The following SPTBN1 variants were observed in gnomAD, a reference collection of about 807,000 sequenced individuals.
SPTBN1 encodes the protein spectrin beta, non-erythrocytic 1.
SPTBN1 carries 32 observed loss-of-function variants against 266.4 expected under a neutral mutation model. That is an observed-to-expected ratio of 0.12 (90% CI 0.09 to 0.16). SPTBN1 has a LOEUF of 0.16. SPTBN1 is among the 10% of genes least tolerant of loss of function. The pLI is 1.00. For synonymous variants in SPTBN1, 1,336 were observed against 1,162.2 expected (o/e 1.15, Z -3.04); for missense variants, 2,296 against 3,067.1 (o/e 0.75, Z 5.94).
chr2:54,641,371 C>G (rs1395953698), intron 18 of SPTBN1, among the ~76,000 whole-genome samples: 1 of 152,216 alleles, frequency 6.6e-6, no homozygotes, highest in African/African-American at 2.4e-5. Context: ...GTCCTTGGCA[C>G]TTTGAATCAA....
chr2:54,595,857 GCATCTACC>G (rs1192425398), intron 2 of SPTBN1, among the ~76,000 whole-genome samples: 1 of 152,160 alleles, frequency 6.6e-6, no homozygotes, highest in East Asian at 1.9e-4. Flanking sequence ...AATGCCAGTA[GCATCTACC>G]CATGAATCGT....
At chr2:54,633,515 C>G (rs1222044545) in intron 17 of SPTBN1, among the ~76,000 whole-genome samples, 2 of 152,134 alleles carry the variant, frequency 1.3e-5, no homozygotes, top group East Asian at 3.9e-4. Context: ...TGACTCACTC[C>G]TTACTCTTGC....
intron 3 of SPTBN1, among the ~76,000 whole-genome samples, chr2:54,609,085 C>T (rs1011499928): frequency 5.3e-5 from 8 of 152,010 alleles, no homozygotes; most frequent in African/African-American, 1.9e-4. Flanking sequence ...GAAGGGGAGG[C>T]AGAAGAGGCA....
intron 2 of SPTBN1, among the ~76,000 whole-genome samples, chr2:54,567,788 C>A (rs541041942): frequency 6.8e-4 from 104 of 152,232 alleles, no homozygotes; most frequent in South Asian, 2.1e-3. Context: ...TATTCTCTCT[C>A]TATATATATA....
At position 54,645,782 on chromosome 2, in the gene SPTBN1, G is replaced by A. The variant is rs940827456; in HGVS notation, c.4495-146G>A. On this transcript the variant is annotated intron_variant, in intron 21 of 35. Coordinates refer to ENST00000356805, the MANE Select transcript of SPTBN1 (RefSeq NM_003128.3). The surrounding 1 kb of genome is among the most constrained non-coding windows in gnomAD (Gnocchi z 4.3). ...CCTAGCCCTGTCTCGGAGAACAAGG[G>A]CGTGCTTCCCCAGACAGCCCTCCCG... 2.5e-6 allele frequency: 2 copies of A among 802,010 alleles called. No homozygotes were observed. The highest frequency in any genetic ancestry group is 1.7e-5 in the African/African-American group (1 of 58,048). 49.7% of individuals were successfully genotyped at this position (802,010 alleles called of 1,614,324 possible).
intron 29 of SPTBN1, among the ~76,000 whole-genome samples, chr2:54,657,597 ATAT>A (rs1451081409): frequency 5.3e-5 from 8 of 152,362 alleles, no homozygotes; most frequent in East Asian, 1.9e-4. Flanking sequence ...AATTTTATAC[ATAT>A]TATGTGAAAT....
intron 2 of SPTBN1, among the ~76,000 whole-genome samples, chr2:54,574,113 C>G (rs888559044): frequency 3.9e-5 from 6 of 152,098 alleles, no homozygotes; most frequent in Non-Finnish European, 8.8e-5. Context: ...GAAACAGACA[C>G]CTTTCCAGTA....
intron 2 of SPTBN1, among the ~76,000 whole-genome samples, chr2:54,550,833 G>A (rs1194128520): frequency 6.6e-6 from 1 of 152,194 alleles, no homozygotes; most frequent in Non-Finnish European, 1.5e-5. Flanking sequence ...TTCTCACCAT[G>A]TCATGGGTCC....
chr2:54,612,892 T>C (rs1189039616), intron 4 of SPTBN1, among the ~76,000 whole-genome samples: 1 of 152,200 alleles, frequency 6.6e-6, no homozygotes, highest in African/African-American at 2.4e-5. Context: ...GATGATGCTT[T>C]ATGGGTTTTG....
intron 2 of SPTBN1, among the ~76,000 whole-genome samples, chr2:54,570,365 C>T (rs1673972487): frequency 6.6e-6 from 1 of 152,134 alleles, no homozygotes; most frequent in Non-Finnish European, 1.5e-5. Context: ...AAAGATCTGG[C>T]CTTAAAGTCC....
intron 2 of SPTBN1, among the ~76,000 whole-genome samples, chr2:54,571,707 C>T (rs67079536): frequency 8.6e-6 from 1 of 116,922 alleles, no homozygotes; most frequent in Non-Finnish European, 2.2e-5. Flanking sequence ...AGTGTGTTTG[C>T]GTGTATCTCT....
At chr2:54,602,488 G>A (rs996429399) in intron 3 of SPTBN1, among the ~76,000 whole-genome samples, 22 of 152,270 alleles carry the variant, frequency 1.4e-4, no homozygotes, top group African/African-American at 4.3e-4. Flanking sequence ...CTTCATGGGC[G>A]TCTGCAGTGA....
At chr2:54,621,570 A>G (rs1677995206) in intron 8 of SPTBN1, 58 bp downstream of exon 8, 1 of 1,400,242 alleles carries the variant, frequency 7.1e-7, no homozygotes, top group East Asian at 2.3e-5. Flanking sequence ...TTGAGCCCTC[A>G]TTCTCCCATG....
intron 16 of SPTBN1, 84 bp from the exon 17 acceptor site, chr2:54,632,482 G>A: frequency 7.4e-7 from 1 of 1,357,604 alleles, no homozygotes; most frequent in Non-Finnish European, 1.0e-6. Context: ...AAAGTGTTGT[G>A]AACTATGTTG....
At chr2:54,630,773 T>C in intron 15 of SPTBN1, 82 bp from the exon 16 acceptor site, 1 of 1,455,426 alleles carries the variant, frequency 6.9e-7, no homozygotes, top group Non-Finnish European at 9.1e-7. Flanking sequence ...TAAGCAGCAT[T>C]AACCCATCAC....
At chr2:54,667,337 T>C (rs768144302) in intron 34 of SPTBN1, among the ~76,000 whole-genome samples, 12 of 152,172 alleles carry the variant, frequency 7.9e-5, no homozygotes, top group Non-Finnish European at 1.6e-4. Context: ...AACCCAAATG[T>C]TATGTTTGGG....
At chr2:54,662,589 T>C (rs1681118930) in intron 32 of SPTBN1, 1 of 152,636 alleles carries the variant, frequency 6.6e-6, no homozygotes, top group East Asian at 1.9e-4. Flanking sequence ...TCCTGGTTTC[T>C]CTACATACTA....
chr2:54,661,900 T>C, intron 32 of SPTBN1: 1 of 985,388 alleles, frequency 1.0e-6, no homozygotes, highest in South Asian at 4.7e-5. Context: ...TTTATCTAGA[T>C]TTTTAAATGT....
chr2:54,608,681 CGTGTGTGTGCATGCGCGCACGA>C, intron 3 of SPTBN1, among the ~76,000 whole-genome samples: 1 of 151,344 alleles, frequency 6.6e-6, no homozygotes, highest in Admixed American at 6.6e-5. Context: ...ATTTTGTGTG[CGTGTGTGTGCATGCGCGCACGA>C]GTGCGCGCAT....
Sources: allele counts gnomAD v4.1 joint callset (sites outside exome capture counted in the v4.1 genomes callset), GRCh38; gene constraint gnomAD v4.1.1; non-coding constraint Gnocchi (gnomAD v3.1); transcripts MANE v1.5; gene names NCBI Gene and HGNC (gene_info 2026-07-23, HGNC 2026-07-21).